The following ZSWIM5 variants were observed in gnomAD, a reference collection of about 807,000 sequenced individuals.
ZSWIM5 encodes the protein zinc finger SWIM domain-containing protein 5.
Under a neutral mutation model 119.6 loss-of-function variants are expected in ZSWIM5, and 55 were observed. That is an observed-to-expected ratio of 0.46 (90% CI 0.37 to 0.58). The LOEUF (loss-of-function observed/expected upper bound fraction) is 0.58, where lower values mean the gene tolerates loss of function less well. ZSWIM5 is among the 20% of genes least tolerant of loss of function. ZSWIM5 has a pLI of 0.00. For synonymous variants in ZSWIM5, 537 were observed against 606.9 expected (o/e 0.88, Z 1.69); for missense variants, 1,193 against 1,512.8 (o/e 0.79, Z 3.51).
intron 11 of ZSWIM5, among the ~76,000 whole-genome samples, chr1:45,026,796 T>C (rs1448334822): frequency 6.6e-6 from 1 of 152,228 alleles, no homozygotes; most frequent in Non-Finnish European, 1.5e-5. Context: ...ATCAGTACCA[T>C]TTATTCCTTA....
chr1:45,180,688 A>T (rs1646011706), intron 1 of ZSWIM5, among the ~76,000 whole-genome samples: 1 of 152,142 alleles, frequency 6.6e-6, no homozygotes, highest in African/African-American at 2.4e-5. Context: ...ACCCCCCAGT[A>T]GGGGCAGACT....
rs574038336 is a variant in ZSWIM5, at chr1:45,018,159, C to T, written c.*295G>A. On this transcript the variant is annotated 3_prime_UTR_variant, in exon 14 of 14. Transcript: ENST00000359600. This position sits in a 1 kb window ranked among gnomAD's most constrained non-coding sequence, Gnocchi z 6.7. ...AGTGTTCTGTGTTTGCCAAGGGAGA[C>T]AGGGCCAATGCTCAGGACACGCAGG... 1 of 430,154 alleles carries T rather than the reference C, an allele frequency of 2.3e-6. No individual in the cohort carries two copies. The highest frequency in any genetic ancestry group is 4.2e-6 in the Non-Finnish European group (1 of 237,788). The allele number at this position is 430,154 out of a possible 1,614,324, so 26.6% of individuals were successfully genotyped here.
chr1:45,183,197 C>A (rs1646033629), intron 1 of ZSWIM5, among the ~76,000 whole-genome samples: 1 of 150,370 alleles, frequency 6.7e-6, no homozygotes. Flanking sequence ...TCTTTGAAAC[C>A]AACGAGAACA....
chr1:45,166,975 A>G (rs1474741087), intron 1 of ZSWIM5, among the ~76,000 whole-genome samples: 1 of 152,150 alleles, frequency 6.6e-6, no homozygotes, highest in African/African-American at 2.4e-5. Flanking sequence ...AAACTACTTT[A>G]AAGTTCAGAC....
rs772158676 is a variant in ZSWIM5, at chr1:45,035,684, C to T, written c.2291+4G>A. 1 of 1,612,756 alleles carries T rather than the reference C, an allele frequency of 6.2e-7. No homozygotes were observed. Among genetic ancestry groups the T allele is most frequent in the Non-Finnish European group, 8.5e-7 (1 of 1,179,832 alleles). ...GGCAATTGGACTGGGAAAGGGCTAC[C>T]CACCTCATGGCACGTAAGGCTAATT... On this transcript the variant is annotated splice_donor_region_variant and intron_variant, in intron 10 of 13. Coordinates refer to ENST00000359600, the MANE Select transcript of ZSWIM5 (RefSeq NM_020883.2).
At chr1:45,102,293 C>T (rs1308984755) in intron 1 of ZSWIM5, among the ~76,000 whole-genome samples, 1 of 152,182 alleles carries the variant, frequency 6.6e-6, no homozygotes, top group East Asian at 1.9e-4. Flanking sequence ...GCTGTTTTCT[C>T]CATTTTCTTA....
At chr1:45,034,204 T>C (rs1019031907) in intron 11 of ZSWIM5, 108 bp downstream of exon 11, 17 of 1,343,362 alleles carry the variant, frequency 1.3e-5, no homozygotes, top group Non-Finnish European at 1.5e-5. Flanking sequence ...TCACTCTAAA[T>C]GGTCAAGGAG....
intron 1 of ZSWIM5, among the ~76,000 whole-genome samples, chr1:45,190,024 A>G (rs891960511): frequency 2.0e-5 from 3 of 152,026 alleles, no homozygotes; most frequent in African/African-American, 7.2e-5. Flanking sequence ...GCTTTTCTGT[A>G]AAACAGTTGC....
chr1:45,206,434 C>G lies in ZSWIM5; in HGVS notation c.-84G>C. On this transcript the variant is annotated 5_prime_UTR_variant, in exon 1 of 14. Coordinates refer to ENST00000359600, the MANE Select transcript of ZSWIM5 (RefSeq NM_020883.2). ...CCTGGCCACGGCCACGCGCCCCGCGCAAGCGCCCAGCGGTGGCGCCGAGGG... is the reference window on the plus strand; with the variant it reads ...CCTGGCCACGGCCACGCGCCCCGCGGAAGCGCCCAGCGGTGGCGCCGAGGG... 2 of 1,254,114 alleles carry G rather than the reference C, an allele frequency of 1.6e-6. 1 individual carries two copies. Among genetic ancestry groups the G allele is most frequent in the South Asian group, 6.2e-5 (2 of 32,382 alleles). The allele number at this position is 1,254,114 out of a possible 1,614,324, so 77.7% of individuals were successfully genotyped here.
Position 45,052,128 on chromosome 1 carries a change from C to A in ZSWIM5, c.1253-875G>T, listed in dbSNP as rs753727086. 3.0e-4 allele frequency among the ~76,000 whole-genome samples: 46 copies of A among 151,572 alleles called. 1 individual carries two copies. Among genetic ancestry groups the A allele is most frequent in the Non-Finnish European group, 1.3e-4 (9 of 67,870 alleles). On this transcript the variant is annotated intron_variant, in intron 4 of 13. Coordinates refer to ENST00000359600, the MANE Select transcript of ZSWIM5 (RefSeq NM_020883.2). ...AGCAATTCTCCAGCCTCAGCGCCCC[C>A]CCTCGCACCCCACCCCCAACCCTAG...
At position 45,075,305 on chromosome 1, in the gene ZSWIM5, G is replaced by GCTGAAAA. The variant is rs1239048273; in HGVS notation, c.952+12575_952+12576insTTTTCAG. Among the ~76,000 whole-genome samples the GCTGAAAA allele has an allele frequency of 1.1e-4, 17 of 150,554 alleles. No individual in the cohort carries two copies. In the East Asian group the frequency reaches 3.1e-3, roughly 27 times the overall value. On this transcript the variant is annotated intron_variant, in intron 2 of 13. Transcript: ENST00000359600. ...AGATGTGTCCGATGCTGATAGCGGG[G>GCTGAAAA]TGCTGAAGTCTCCAGCTATTACTAC...
chr1:45,190,927 ATTTTTTTTTTTTTT>A (rs746764436), intron 1 of ZSWIM5, among the ~76,000 whole-genome samples: 27 of 49,000 alleles, frequency 5.5e-4, no homozygotes, highest in African/African-American at 1.8e-3. Flanking sequence ...AATAGCTGGA[ATTTTTTTTTTTTTT>A]TTTTTTTTTT....
intron 5 of ZSWIM5, among the ~76,000 whole-genome samples, chr1:45,044,380 G>A (rs1212865853): frequency 3.3e-5 from 5 of 151,738 alleles, no homozygotes. Context: ...TTGAGTCCAG[G>A]AGTTTGAGAC....
chr1:45,169,938 G>T (rs762375651), intron 1 of ZSWIM5, among the ~76,000 whole-genome samples: 1 of 151,744 alleles, frequency 6.6e-6, no homozygotes, highest in South Asian at 2.1e-4. Flanking sequence ...AATTCCACAC[G>T]GTTAACATTT....
At chr1:45,203,392 C>A (rs1157157222) in intron 1 of ZSWIM5, among the ~76,000 whole-genome samples, 1 of 151,692 alleles carries the variant, frequency 6.6e-6, no homozygotes, top group Non-Finnish European at 1.5e-5. Context: ...TCATTAAATT[C>A]CCTTATGACT....
At chr1:45,153,073 A>G (rs1030150583) in intron 1 of ZSWIM5, among the ~76,000 whole-genome samples, 1 of 149,682 alleles carries the variant, frequency 6.7e-6, no homozygotes, top group Non-Finnish European at 1.5e-5. Flanking sequence ...CACCAATCAG[A>G]ATGGCTACTA....
intron 5 of ZSWIM5, among the ~76,000 whole-genome samples, chr1:45,046,262 G>A (rs1645053839): frequency 6.6e-6 from 1 of 152,138 alleles, no homozygotes; most frequent in Non-Finnish European, 1.5e-5. Flanking sequence ...AAGGTGGAAG[G>A]GCAGAAGAAG....
At chr1:45,082,554 C>T (rs756286733) in intron 2 of ZSWIM5, among the ~76,000 whole-genome samples, 6 of 152,136 alleles carry the variant, frequency 3.9e-5, no homozygotes, top group Non-Finnish European at 7.3e-5. Context: ...ATCTTCAGTC[C>T]AGTCCATTTT....
At position 45,039,052 on chromosome 1, in the gene ZSWIM5, G is replaced by A. The variant is rs368442333; in HGVS notation, c.1778C>T (p.Thr593Ile). Residue 593 changes from threonine (T) to isoleucine (I), a missense_variant, in exon 8 of 14, where the codon ACA (threonine) becomes ATA (isoleucine). By Grantham distance (89) the Thr-to-Ile change is moderately conservative. Transcript: ENST00000359600. The stretch of plus-strand genomic sequence containing the variant: ...CCAGCCCTCCAGGTTTGTGATGGTT[G>A]TGGTTCCTCTCTGCAACAGTTCTGG... ...QKKELLQRGT[T>I]TITNLEGWVG... is the part of the protein sequence containing the mutation. The A allele has an allele frequency of 3.7e-6, 6 of 1,614,136 alleles. No homozygotes were observed. The highest frequency in any genetic ancestry group is 3.4e-6 in the Non-Finnish European group (4 of 1,180,014).
Sources: gnomAD v4.1 joint callset for allele counts (sites outside exome capture counted in the v4.1 genomes callset) on GRCh38, gnomAD v4.1.1 for gene constraint, Gnocchi (gnomAD v3.1) non-coding constraint, MANE v1.5 for transcripts, NCBI Gene and HGNC (gene_info 2026-07-23, HGNC 2026-07-21) for gene names.